Variants in LHFPL4 observed in about 807,000 individuals in gnomAD.
LHFPL4 encodes the protein LHFPL tetraspan subfamily member 4.
A neutral mutation model predicts 20.0 loss-of-function variants in LHFPL4; 6 were observed. The observed-to-expected ratio is 0.30, with a 90% CI of 0.16 to 0.59. The LOEUF (loss-of-function observed/expected upper bound fraction) is 0.59, where lower values mean the gene tolerates loss of function less well. Among genes scored for constraint, LHFPL4 ranks in the 20% least tolerant of loss-of-function variants. The pLI is 0.88. For synonymous variants in LHFPL4, 129 were observed against 143.8 expected (o/e 0.90, Z 0.74); for missense variants, 215 against 331.2 (o/e 0.65, Z 2.72).
At chr3:9,547,693 C>T (rs2046524315) in intron 2 of LHFPL4, among the ~76,000 whole-genome samples, 1 of 152,224 alleles carries the variant, frequency 6.6e-6, no homozygotes, top group Admixed American at 6.5e-5. Flanking sequence ...TCCTGCCTCT[C>T]TACTTAGTTA....
rs1245198902 is a variant in LHFPL4 at position 9,500,550 on chromosome 3, T to A, written c.*1661A>T. On this transcript the variant is annotated 3_prime_UTR_variant, in exon 4 of 4. Transcript: ENST00000287585. ...ACAGGCAGGGGACTTCTAGGGTCTT[T>A]CTTGGAAACCCTAACTCTCAGGTCC... is the stretch of plus-strand genomic sequence containing the variant. 6.6e-6 allele frequency: 1 copy of A among 152,280 alleles called. No homozygotes were observed. Among genetic ancestry groups the A allele is most frequent in the African/African-American group, 2.4e-5 (1 of 41,448 alleles). The allele number at this position is 152,280 out of a possible 1,614,324, so 9.4% of individuals were successfully genotyped here.
intron 2 of LHFPL4, among the ~76,000 whole-genome samples, chr3:9,527,686 A>G (rs900421577): frequency 3.3e-5 from 5 of 152,182 alleles, no homozygotes; most frequent in Admixed American, 3.3e-4. Context: ...CAGCCTGGGC[A>G]ACAGAGCCAG....
chr3:9,544,005 G>C (rs575161825), intron 2 of LHFPL4, among the ~76,000 whole-genome samples: 2 of 152,144 alleles, frequency 1.3e-5, no homozygotes, highest in African/African-American at 4.8e-5. Flanking sequence ...TTACAGATGA[G>C]TGCCAGTGCA....
At chr3:9,510,146 G>C (rs2046247664) in intron 2 of LHFPL4, among the ~76,000 whole-genome samples, 1 of 152,176 alleles carries the variant, frequency 6.6e-6, no homozygotes, top group Non-Finnish European at 1.5e-5. Context: ...ACCAAACCCA[G>C]TCATACTGAT....
rs147223853 is a variant in LHFPL4, at chr3:9,502,998, A to G, written c.644-687T>C. 6.3e-3 allele frequency among the ~76,000 whole-genome samples: 959 copies of G among 152,064 alleles called. 5 individuals carry two copies. The highest frequency in any genetic ancestry group is 0.011 in the Admixed American group (173 of 15,280). On this transcript the variant is annotated intron_variant, in intron 3 of 3. Transcript: ENST00000287585. ...GGTTCCAGAGGTCTTCTTTAAATAT[A>G]TATATATATTTCTTTCTTTTTAATA...
chr3:9,518,747 G>GT (rs1232418670), intron 2 of LHFPL4, among the ~76,000 whole-genome samples: 1 of 146,922 alleles, frequency 6.8e-6, no homozygotes, highest in Non-Finnish European at 1.5e-5. Context: ...CTGTAGTGAT[G>GT]TTTTTTTGTT....
intron 2 of LHFPL4, among the ~76,000 whole-genome samples, chr3:9,510,951 T>A (rs1180566782): frequency 6.7e-6 from 1 of 148,834 alleles, no homozygotes; most frequent in African/African-American, 2.5e-5. Flanking sequence ...AATAAATAAA[T>A]AAATAAATAA....
intron 3 of LHFPL4, among the ~76,000 whole-genome samples, chr3:9,503,716 C>T (rs549419228): frequency 2.0e-4 from 30 of 152,258 alleles, no homozygotes; most frequent in African/African-American, 6.3e-4. Context: ...AGTTTATATG[C>T]AATACACTAA....
intron 2 of LHFPL4, among the ~76,000 whole-genome samples, chr3:9,521,045 T>C (rs908922385): frequency 1.3e-5 from 2 of 152,128 alleles, no homozygotes; most frequent in Non-Finnish European, 2.9e-5. Context: ...CTATTTCTCT[T>C]TGCACTTCTA....
At chr3:9,531,964 T>C (rs980476748) in intron 2 of LHFPL4, among the ~76,000 whole-genome samples, 1 of 152,218 alleles carries the variant, frequency 6.6e-6, no homozygotes, top group Non-Finnish European at 1.5e-5. Flanking sequence ...TTAAAGCTTG[T>C]GCTATCGATG....
chr3:9,539,012 T>C (rs1475074203), intron 2 of LHFPL4, among the ~76,000 whole-genome samples: 1 of 152,138 alleles, frequency 6.6e-6, no homozygotes, highest in Non-Finnish European at 1.5e-5. Context: ...AATTCAGGTT[T>C]TCTGACCACT....
At chr3:9,543,515 G>GA (rs1237559400) in intron 2 of LHFPL4, among the ~76,000 whole-genome samples, 4 of 149,130 alleles carry the variant, frequency 2.7e-5, no homozygotes, top group Non-Finnish European at 6.0e-5. Context: ...AAAAAAAAAA[G>GA]AAAAAAAAAG....
chr3:9,513,330 C>T (rs1335323908), intron 2 of LHFPL4, among the ~76,000 whole-genome samples: 3 of 151,612 alleles, frequency 2.0e-5, no homozygotes, highest in South Asian at 2.1e-4. Flanking sequence ...TTTGTTTTTG[C>T]GACAGGTCTT....
At chr3:9,553,305 T>G (rs1574859439) in intron 1 of LHFPL4, among the ~76,000 whole-genome samples, 2 of 109,048 alleles carry the variant, frequency 1.8e-5, no homozygotes, top group African/African-American at 3.6e-5. Context: ...GGACGGGGAA[T>G]GGGGGCTGGT....
chr3:9,541,679 G>A (rs2046477349), intron 2 of LHFPL4, among the ~76,000 whole-genome samples: 1 of 151,892 alleles, frequency 6.6e-6, no homozygotes, highest in Non-Finnish European at 1.5e-5. Flanking sequence ...GGCCGGGGCA[G>A]GATAATCACT....
chr3:9,539,421 C>A (rs768989706), intron 2 of LHFPL4, among the ~76,000 whole-genome samples: 129 of 150,964 alleles, frequency 8.5e-4, no homozygotes, highest in Non-Finnish European at 1.6e-3. Flanking sequence ...CACCACTGCA[C>A]CCCAGCCTGG....
intron 2 of LHFPL4, among the ~76,000 whole-genome samples, chr3:9,530,459 A>G (rs773536821): frequency 6.6e-6 from 1 of 152,118 alleles, no homozygotes; most frequent in Non-Finnish European, 1.5e-5. Context: ...CACCTCTCTC[A>G]ATCTTCACAG....
intron 2 of LHFPL4, among the ~76,000 whole-genome samples, chr3:9,550,055 T>C (rs1002216663): frequency 6.6e-6 from 1 of 152,138 alleles, no homozygotes; most frequent in Non-Finnish European, 1.5e-5. Context: ...AATCACCTTA[T>C]CTACCTGCTC....
intron 2 of LHFPL4, 29 bp downstream of exon 2, chr3:9,552,245 C>T (rs977539710): frequency 1.3e-6 from 2 of 1,563,458 alleles, no homozygotes; most frequent in African/African-American, 2.7e-5. Flanking sequence ...GGCGCTTGTT[C>T]TGGGAGTTCC....
Sources: allele counts gnomAD v4.1 joint callset (sites outside exome capture counted in the v4.1 genomes callset), GRCh38; gene constraint gnomAD v4.1.1; transcripts MANE v1.5; gene names NCBI Gene and HGNC (gene_info 2026-07-23, HGNC 2026-07-21).